Variants in NEK11 observed in about 807,000 individuals in gnomAD.
NEK11 encodes NIMA related kinase 11.
A neutral mutation model predicts 80.7 loss-of-function variants in NEK11; 72 were observed. The observed-to-expected ratio is 0.89, with a 90% CI of 0.74 to 1.08. NEK11 has a LOEUF of 1.08. Among genes scored for constraint, NEK11 ranks in the 50% least tolerant of loss-of-function variants. The pLI, the probability that NEK11 is intolerant of heterozygous loss-of-function variation, is 0.00. For missense variants in NEK11, 764 were observed against 763.6 expected (o/e 1.00, Z -0.01); for synonymous variants, 251 against 260.7 (o/e 0.96, Z 0.36).
At chr3:131,262,408 T>G (rs1209442584) in intron 16 of NEK11, among the ~76,000 whole-genome samples, 1 of 152,144 alleles carries the variant, frequency 6.6e-6, no homozygotes, top group Admixed American at 6.6e-5. Context: ...AAAACCTGAA[T>G]ATGCCTATCA....
At chr3:131,340,480 A>G (rs2097267443) in intron 17 of NEK11, among the ~76,000 whole-genome samples, 1 of 152,220 alleles carries the variant, frequency 6.6e-6, no homozygotes, top group Non-Finnish European at 1.5e-5. Flanking sequence ...ATGTGATAAA[A>G]TGTATTTTTT....
intron 14 of NEK11, among the ~76,000 whole-genome samples, chr3:131,215,422 CA>C (rs1206353314): frequency 2.6e-5 from 4 of 150,984 alleles, no homozygotes; most frequent in African/African-American, 4.9e-5. Context: ...TAAAGTATAA[CA>C]AAAAAATATA....
chr3:131,162,814 T>C (rs547237447), intron 11 of NEK11, among the ~76,000 whole-genome samples: 2 of 152,300 alleles, frequency 1.3e-5, no homozygotes, highest in South Asian at 2.1e-4. Context: ...ATCTCATTGT[T>C]GTTGACAGCT....
chr3:131,250,607 G>A (rs2095682699), intron 16 of NEK11, among the ~76,000 whole-genome samples: 1 of 152,056 alleles, frequency 6.6e-6, no homozygotes, highest in South Asian at 2.1e-4. Flanking sequence ...ATCCAATATA[G>A]GAGAGAGGTT....
At chr3:131,106,281 T>C (rs2079163169) in intron 4 of NEK11, among the ~76,000 whole-genome samples, 2 of 130,606 alleles carry the variant, frequency 1.5e-5, no homozygotes, top group Admixed American at 1.5e-4. Flanking sequence ...TCTATCCTGT[T>C]AGGGCTTTTT....
chr3:131,185,279 T>A (rs1177567313), intron 14 of NEK11, among the ~76,000 whole-genome samples: 1 of 152,068 alleles, frequency 6.6e-6, no homozygotes. Flanking sequence ...TGTAATAGGG[T>A]AAAGTCTGTT....
intron 9 of NEK11, among the ~76,000 whole-genome samples, chr3:131,153,081 G>C (rs887366916): frequency 6.6e-6 from 1 of 152,188 alleles, no homozygotes; most frequent in Admixed American, 6.5e-5. Context: ...GTGAGACTCT[G>C]TCTCAAAAAT....
intron 11 of NEK11, among the ~76,000 whole-genome samples, chr3:131,163,752 C>T (rs2091913904): frequency 6.6e-6 from 1 of 152,032 alleles, no homozygotes; most frequent in South Asian, 2.1e-4. Context: ...ACAATGTATA[C>T]ATATATAAAA....
chr3:131,247,005 A>G (rs546646704), intron 16 of NEK11, among the ~76,000 whole-genome samples: 10 of 151,978 alleles, frequency 6.6e-5, no homozygotes, highest in Non-Finnish European at 1.3e-4. Context: ...TTCTTTGTAG[A>G]TTCTGAATAT....
chr3:131,244,510 A>G (rs1580784886), intron 16 of NEK11, among the ~76,000 whole-genome samples: 1 of 152,186 alleles, frequency 6.6e-6, no homozygotes, highest in Middle Eastern at 3.4e-3. Context: ...GACCTCCAGG[A>G]TGAGGGGTTG....
intron 4 of NEK11, among the ~76,000 whole-genome samples, chr3:131,103,253 T>C (rs1649676818): frequency 1.3e-5 from 2 of 152,314 alleles, no homozygotes; most frequent in South Asian, 4.2e-4. Flanking sequence ...CTTTTTGCAT[T>C]GCCAGAACTC....
chr3:131,247,705 CA>C (rs901483662), intron 16 of NEK11, among the ~76,000 whole-genome samples: 1 of 151,686 alleles, frequency 6.6e-6, no homozygotes, highest in Non-Finnish European at 1.5e-5. Context: ...GTCATTTTCA[CA>C]ATGTTGATTC....
intron 17 of NEK11, among the ~76,000 whole-genome samples, chr3:131,340,930 T>C (rs79637894): frequency 0.019 from 2,902 of 152,174 alleles, 45 homozygotes; most frequent in East Asian, 0.088. Context: ...TAGAAAGAAA[T>C]AGAAAACAAT....
chr3:131,182,672 C>T (rs1223436950), intron 14 of NEK11, among the ~76,000 whole-genome samples: 1 of 152,144 alleles, frequency 6.6e-6, no homozygotes, highest in Admixed American at 6.5e-5. Flanking sequence ...GTTCTTCTTA[C>T]TATTGAAGAT....
chr3:131,178,794 A>C (rs1341488630), intron 14 of NEK11, among the ~76,000 whole-genome samples: 1 of 152,230 alleles, frequency 6.6e-6, no homozygotes, highest in East Asian at 1.9e-4. Context: ...CTATACTTTT[A>C]TATGACTGAC....
intron 4 of NEK11, among the ~76,000 whole-genome samples, chr3:131,094,078 G>A (rs2077102053): frequency 6.7e-6 from 1 of 149,828 alleles, no homozygotes; most frequent in South Asian, 2.2e-4. Flanking sequence ...GTCTGGAGGG[G>A]CTCTCTTGAG....
chr3:131,337,021 T>C (rs2097196675), intron 17 of NEK11, among the ~76,000 whole-genome samples: 1 of 152,168 alleles, frequency 6.6e-6, no homozygotes, highest in Non-Finnish European at 1.5e-5. Flanking sequence ...TTGGTGGGAC[T>C]GTAAACTAGT....
At chr3:131,342,215 G>A (rs1016122437) in intron 17 of NEK11, among the ~76,000 whole-genome samples, 3 of 152,152 alleles carry the variant, frequency 2.0e-5, no homozygotes, top group Admixed American at 6.5e-5. Context: ...TTGCCCACCT[G>A]ATTCAGAGAC....
chr3:131,348,435 C>G (rs1392426285), intron 17 of NEK11, among the ~76,000 whole-genome samples: 1 of 151,688 alleles, frequency 6.6e-6, no homozygotes, highest in Non-Finnish European at 1.5e-5. Flanking sequence ...TGAGAAGGAG[C>G]CTGGTATAAG....
Sources: allele counts gnomAD v4.1 joint callset (sites outside exome capture counted in the v4.1 genomes callset), GRCh38; gene constraint gnomAD v4.1.1; transcripts MANE v1.5; gene names NCBI Gene and HGNC (gene_info 2026-07-23, HGNC 2026-07-21).